The following STPG2 variants were observed in gnomAD, a reference collection of about 807,000 sequenced individuals.
STPG2 encodes the protein sperm-tail PG-rich repeat-containing protein 2.
Under a neutral mutation model 54.2 loss-of-function variants are expected in STPG2, and 56 were observed. The ratio of observed to expected loss-of-function variants is 1.03; its 90% CI spans 0.83 to 1.29. The LOEUF is 1.29. Among genes scored for constraint, STPG2 ranks in the 50% most tolerant of loss-of-function variants. The pLI, the probability that STPG2 is intolerant of heterozygous loss-of-function variation, is 0.00. For missense variants in STPG2, 596 were observed against 544.9 expected (o/e 1.09, Z -0.93); for synonymous variants, 200 against 181.8 (o/e 1.10, Z -0.81).
chr4:97,540,880 C>T (rs912470182), intron 4 of STPG2, among the ~76,000 whole-genome samples: 3 of 152,168 alleles, frequency 2.0e-5, no homozygotes, highest in Non-Finnish European at 4.4e-5. Flanking sequence ...ACATGATTAT[C>T]TCAATAGATG....
chr4:97,562,950 G>T (rs1230809722), intron 10 of STPG2, among the ~76,000 whole-genome samples: 1 of 152,118 alleles, frequency 6.6e-6, no homozygotes, highest in Non-Finnish European at 1.5e-5. Flanking sequence ...GATGATGCTG[G>T]CATCATAAAA....
chr4:97,903,299 G>A (rs1283632247), intron 8 of STPG2, among the ~76,000 whole-genome samples: 1 of 152,102 alleles, frequency 6.6e-6, no homozygotes, highest in African/African-American at 2.4e-5. Context: ...TACAATGTAT[G>A]TGCATATATG....
At chr4:98,064,912 A>G (rs11945540) in intron 5 of STPG2, among the ~76,000 whole-genome samples, 2,286 of 152,194 alleles carry the variant, frequency 0.015, 56 homozygotes, top group African/African-American at 0.052. Context: ...TTATTTATTT[A>G]TTTTAGATAC....
intron 5 of STPG2, among the ~76,000 whole-genome samples, chr4:98,044,536 C>T (rs931199339): frequency 6.6e-6 from 1 of 152,154 alleles, no homozygotes; most frequent in African/African-American, 2.4e-5. Flanking sequence ...ATACCTCAGG[C>T]TGAGAGATTT....
At chr4:98,025,662 C>A in intron 5 of STPG2, 1 of 993,766 alleles carries the variant, frequency 1.0e-6, no homozygotes, top group Non-Finnish European at 1.6e-6. Context: ...GATGGCCTAA[C>A]AAATTATGTT....
chr4:98,007,064 C>T (rs536623038), intron 5 of STPG2, among the ~76,000 whole-genome samples: 2 of 152,304 alleles, frequency 1.3e-5, no homozygotes, highest in Admixed American at 1.3e-4. Context: ...TGTACAGCTT[C>T]ACCCCCTGCT....
chr4:97,647,675 C>T (rs1192503591), intron 10 of STPG2, among the ~76,000 whole-genome samples: 1 of 152,132 alleles, frequency 6.6e-6, no homozygotes, highest in African/African-American at 2.4e-5. Context: ...AGGGACGGGC[C>T]AAGCAGTGGT....
chr4:97,534,789 CA>C (rs1313268207), intron 4 of STPG2, among the ~76,000 whole-genome samples: 1 of 152,118 alleles, frequency 6.6e-6, no homozygotes, highest in Non-Finnish European at 1.5e-5. Context: ...CTTCTGTACA[CA>C]TGCAGCCCTG....
At chr4:97,462,794 A>C (rs1729695722) in intron 4 of STPG2, among the ~76,000 whole-genome samples, 1 of 151,996 alleles carries the variant, frequency 6.6e-6, no homozygotes, top group Admixed American at 6.5e-5. Flanking sequence ...TGGACTCTTA[A>C]ATTTCAAAAT....
intron 9 of STPG2, among the ~76,000 whole-genome samples, chr4:97,779,788 A>G (rs113171772): frequency 0.012 from 1,899 of 152,332 alleles, 35 homozygotes; most frequent in African/African-American, 0.044. Context: ...AACGTTCTTA[A>G]AGAAAAGAAT....
At chr4:97,517,586 G>A (rs985881544) in intron 4 of STPG2, among the ~76,000 whole-genome samples, 3 of 145,986 alleles carry the variant, frequency 2.1e-5, no homozygotes, top group Non-Finnish European at 3.0e-5. Context: ...TTTAAACTTT[G>A]TATGTTCTTA....
At chr4:97,559,284 T>C (rs1233345503) in intron 10 of STPG2, among the ~76,000 whole-genome samples, 167 bp from the exon 11 acceptor site, 3 of 152,362 alleles carry the variant, frequency 2.0e-5, no homozygotes, top group African/African-American at 7.2e-5. Context: ...TTTTATTACT[T>C]CGTTCAAAAA....
chr4:97,784,457 T>C (rs898748417), intron 9 of STPG2, among the ~76,000 whole-genome samples: 6 of 152,102 alleles, frequency 3.9e-5, no homozygotes, highest in African/African-American at 1.4e-4. Flanking sequence ...AATGCTGTGA[T>C]ATTGAATATG....
At chr4:97,737,115 C>G (rs1490834980) in intron 9 of STPG2, among the ~76,000 whole-genome samples, 1 of 152,202 alleles carries the variant, frequency 6.6e-6, no homozygotes, top group Admixed American at 6.5e-5. Flanking sequence ...TGGAGTGGAC[C>G]TCTAGCAAAC....
At chr4:97,537,305 C>T (rs1201167290) in intron 4 of STPG2, among the ~76,000 whole-genome samples, 1 of 152,172 alleles carries the variant, frequency 6.6e-6, no homozygotes, top group Admixed American at 6.5e-5. Context: ...CCAAGCAAAG[C>T]TGTGACAGAT....
intron 8 of STPG2, among the ~76,000 whole-genome samples, chr4:97,860,139 ATAATT>A (rs776063834): frequency 9.8e-5 from 15 of 152,322 alleles, no homozygotes; most frequent in Non-Finnish European, 1.3e-4. Context: ...GCCTTGTAGT[ATAATT>A]TAAAGTTCGG....
chr4:97,933,636 C>T (rs931161597), intron 8 of STPG2, among the ~76,000 whole-genome samples: 3 of 152,118 alleles, frequency 2.0e-5, no homozygotes, highest in Non-Finnish European at 4.4e-5. Context: ...TTCCCCCTTG[C>T]CTGTTTTTGT....
At chr4:97,858,691 T>C (rs1027771910) in intron 8 of STPG2, among the ~76,000 whole-genome samples, 1 of 152,194 alleles carries the variant, frequency 6.6e-6, no homozygotes, top group African/African-American at 2.4e-5. Context: ...AGAATAATGA[T>C]CACCAACTCC....
intron 7 of STPG2, among the ~76,000 whole-genome samples, chr4:97,958,003 A>T (rs977473245): frequency 6.6e-6 from 1 of 152,060 alleles, no homozygotes; most frequent in Non-Finnish European, 1.5e-5. Flanking sequence ...CAAAACAAAA[A>T]TACAACTAAA....
Sources: allele counts gnomAD v4.1 joint callset (sites outside exome capture counted in the v4.1 genomes callset), GRCh38; gene constraint gnomAD v4.1.1; transcripts MANE v1.5; gene names NCBI Gene and HGNC (gene_info 2026-07-23, HGNC 2026-07-21).